INTS7: variants seen among roughly 807,000 people sequenced by gnomAD.
The protein encoded by INTS7 is integrator complex subunit 7.
Under a neutral mutation model 109.2 loss-of-function variants are expected in INTS7, and 46 were observed. The ratio of observed to expected loss-of-function variants is 0.42; its 90% CI spans 0.33 to 0.54. INTS7 has a LOEUF of 0.54. Ranked by LOEUF, INTS7 falls within the 20% of genes least tolerant of loss-of-function variation. INTS7 has a pLI of 0.07. For missense variants in INTS7, 929 were observed against 1,132.4 expected, an observed-to-expected ratio of 0.82 and a Z score of 2.58; for synonymous variants, 412 against 402.9, an observed-to-expected ratio of 1.02 and a Z score of -0.27.
chr1:211,988,747 A>G (rs1435305853), intron 7 of INTS7, among the ~76,000 whole-genome samples: 1 of 152,150 alleles, frequency 6.6e-6, no homozygotes, highest in Non-Finnish European at 1.5e-5. Flanking sequence ...TGCTTAGGAG[A>G]GATATGAATA....
chr1:211,998,650 A>G (rs1407147742), intron 7 of INTS7, among the ~76,000 whole-genome samples: 1 of 152,112 alleles, frequency 6.6e-6, no homozygotes, highest in Non-Finnish European at 1.5e-5. Flanking sequence ...TAGATAAAAT[A>G]CAACCTATAA....
chr1:211,999,178 C>T (rs1038530414), intron 7 of INTS7, among the ~76,000 whole-genome samples: 3 of 152,202 alleles, frequency 2.0e-5, no homozygotes, highest in Admixed American at 6.5e-5. Flanking sequence ...TGTATGATTG[C>T]AGCTTTATTC....
chr1:211,942,559 G>GA lies in INTS7; in HGVS notation c.2602-449dup, dbSNP rs960209559. Among the ~76,000 whole-genome samples, 1 of 152,136 alleles carries GA rather than the reference G, an allele frequency of 6.6e-6. No individual in the cohort carries two copies. Among genetic ancestry groups the GA allele is most frequent in the Admixed American group, 6.6e-5 (1 of 15,266 alleles). ...CAGAGAGTTTAAAACCTAAGAGACT[G>GA]AAAAAGAACAAAACACTAAGCAAAT... On this transcript the variant is annotated intron_variant, in intron 19 of 19. Coordinates refer to ENST00000366994, the MANE Select transcript of INTS7 (RefSeq NM_015434.4). The surrounding 1 kb of genome is among the most constrained non-coding windows in gnomAD (Gnocchi z 4.2).
chr1:211,942,017 A>G lies in INTS7; in HGVS notation c.2696T>C (p.Leu899Pro), dbSNP rs138095068. ...TTCCACTGTAATGTTGTGTGTTCCA[A>G]GGATAGCAAAGTTCAACAGAAATTG... ...STQFLLNFAILGTHNITVESS... is the reference protein window; with the variant it reads ...STQFLLNFAIPGTHNITVESS... Residue 899 changes from leucine (L) to proline (P), a missense_variant, in exon 20 of 20, where the codon CTT (leucine) becomes CCT (proline). By Grantham distance (98) the Leu-to-Pro change is moderately conservative. Around this residue, in one of 2 missense-constraint regions of INTS7, gnomAD observed 787 missense variants for 901.1 expected, o/e 0.87. Transcript: ENST00000366994. This position sits in a 1 kb window ranked among gnomAD's most constrained non-coding sequence, Gnocchi z 4.2. 1.2e-6 allele frequency: 2 copies of G among 1,614,092 alleles called. No individual in the cohort carries two copies. Among genetic ancestry groups the G allele is most frequent in the African/African-American group, 2.7e-5 (2 of 74,912 alleles).
chr1:211,984,931 T>C (rs990650257), intron 8 of INTS7, among the ~76,000 whole-genome samples: 4 of 152,186 alleles, frequency 2.6e-5, no homozygotes, highest in Admixed American at 2.0e-4. Flanking sequence ...GAGTCCTCTA[T>C]TGATGATCTT....
chr1:212,003,987 T>C (rs1400022577), intron 7 of INTS7, among the ~76,000 whole-genome samples: 1 of 152,210 alleles, frequency 6.6e-6, no homozygotes, highest in Non-Finnish European at 1.5e-5. Context: ...TGACAAATCA[T>C]AGTAAATCAG....
At chr1:211,980,589 A>G (rs953588799) in intron 10 of INTS7, among the ~76,000 whole-genome samples, 4 of 152,068 alleles carry the variant, frequency 2.6e-5, no homozygotes, top group Admixed American at 6.6e-5. Flanking sequence ...GTGTGCCCCA[A>G]TATGTCCAGC....
At chr1:212,015,007 G>C (rs1408636705) in intron 4 of INTS7, among the ~76,000 whole-genome samples, 1 of 151,604 alleles carries the variant, frequency 6.6e-6, no homozygotes. Flanking sequence ...TCTGAGAAGT[G>C]AGGAGCCCTT....
chr1:212,017,295 G>A (rs1266227886), intron 3 of INTS7, among the ~76,000 whole-genome samples: 1 of 152,172 alleles, frequency 6.6e-6, no homozygotes, highest in Admixed American at 6.5e-5. Flanking sequence ...AACAGCCCAG[G>A]AAGGAAACTT....
chr1:211,956,487 ATATT>A, intron 16 of INTS7, among the ~76,000 whole-genome samples: 1 of 152,318 alleles, frequency 6.6e-6, no homozygotes, highest in East Asian at 1.9e-4. Context: ...CTAATGAAGA[ATATT>A]TAAATTTGTC....
chr1:211,999,528 G>A (rs1665568178), intron 7 of INTS7, among the ~76,000 whole-genome samples: 1 of 152,122 alleles, frequency 6.6e-6, no homozygotes, highest in Admixed American at 6.5e-5. Flanking sequence ...AATTGTGGTG[G>A]TGGTTTTGTA....
chr1:211,989,749 G>A (rs963078432), intron 7 of INTS7, among the ~76,000 whole-genome samples: 6 of 151,076 alleles, frequency 4.0e-5, no homozygotes, highest in African/African-American at 1.5e-4. Context: ...TTGAACCCAG[G>A]AGACAGAGGT....
At position 211,976,728 on chromosome 1, in the gene INTS7, G is replaced by A. The variant is rs760720096; in HGVS notation, c.1471-9C>T. The A allele has an allele frequency of 1.1e-5, 17 of 1,613,202 alleles. 1 individual carries two copies. In the Middle Eastern group the frequency reaches 8.3e-4, roughly 78 times the overall value. ...ACAGTAGCCAAACTCACCTAACATT[G>A]GGCAAGAAGAAAACCAAGAAAATCA... On this transcript the variant is annotated splice_polypyrimidine_tract_variant and intron_variant, in intron 11 of 19. Transcript: ENST00000366994.
At chr1:212,020,313 T>C in intron 2 of INTS7, 45 bp from the exon 3 acceptor site, 2 of 1,200,788 alleles carry the variant, frequency 1.7e-6, no homozygotes, top group South Asian at 1.5e-5. Flanking sequence ...AAAGTAATAT[T>C]TAATTAGGAA....
chr1:211,945,093 G>T, intron 18 of INTS7, 124 bp from the exon 19 acceptor site: 1 of 785,328 alleles, frequency 1.3e-6, no homozygotes, highest in Non-Finnish European at 2.0e-6. Flanking sequence ...CACCCCCACA[G>T]GACCTGACTG....
chr1:211,958,070 T>TA (rs11310640), intron 16 of INTS7, among the ~76,000 whole-genome samples: 73 of 148,618 alleles, frequency 4.9e-4, no homozygotes, highest in African/African-American at 1.0e-3. Context: ...TTTTAAAAAT[T>TA]AAAAAAAAAA....
At chr1:212,010,010 A>C (rs1571901924) in intron 5 of INTS7, among the ~76,000 whole-genome samples, 1 of 152,356 alleles carries the variant, frequency 6.6e-6, no homozygotes, top group East Asian at 1.9e-4. Context: ...ACACTAAGCA[A>C]TTCATGCCTT....
chr1:211,990,413 G>A (rs533208441), intron 7 of INTS7, among the ~76,000 whole-genome samples: 16 of 152,240 alleles, frequency 1.1e-4, no homozygotes, highest in African/African-American at 3.6e-4. Context: ...GGGCATACAC[G>A]TTTCCATATT....
chr1:211,993,679 C>CA (rs1333287349), intron 7 of INTS7, among the ~76,000 whole-genome samples: 10,518 of 54,666 alleles, frequency 0.19, 586 homozygotes, highest in Non-Finnish European at 0.24. Context: ...GACTAAAACT[C>CA]AAAAAAAAAA....
Sources: allele counts gnomAD v4.1 joint callset (sites outside exome capture counted in the v4.1 genomes callset), GRCh38; gene constraint gnomAD v4.1.1; regional missense constraint gnomAD v4.1.1; non-coding constraint Gnocchi (gnomAD v3.1); transcripts MANE v1.5; gene names NCBI Gene and HGNC (gene_info 2026-07-23, HGNC 2026-07-21).